LRRTM4: variants seen among roughly 807,000 people sequenced by gnomAD.
LRRTM4 encodes leucine rich repeat transmembrane neuronal 4.
In LRRTM4, 25 loss-of-function variants were observed where a neutral mutation model predicts 47.6. The observed-to-expected ratio is 0.53, with a 90% CI of 0.38 to 0.73. The LOEUF is 0.73. LRRTM4 is among the 30% of genes least tolerant of loss of function. The pLI, the probability that LRRTM4 is intolerant of heterozygous loss-of-function variation, is 0.00. For missense variants in LRRTM4, 638 were observed against 713.4 expected, an observed-to-expected ratio of 0.89 and a Z score of 1.20; for synonymous variants, 311 against 269.5, an observed-to-expected ratio of 1.15 and a Z score of -1.51.
chr2:77,298,390 C>A lies in LRRTM4; in HGVS notation c.1551+219928G>T, dbSNP rs184092653. 2.4e-3 allele frequency among the ~76,000 whole-genome samples: 368 copies of A among 152,284 alleles called. 9 individuals are homozygous for A. Among genetic ancestry groups the A allele is most frequent in the Admixed American group, 0.02 (305 of 15,296 alleles). ...TAGCTGGGACTACAGGCACCCGCCACCACGCCCGGCTAATTTTTTGTATTT... is the reference window on the plus strand; with the variant it reads ...TAGCTGGGACTACAGGCACCCGCCAACACGCCCGGCTAATTTTTTGTATTT... On this transcript the variant is annotated intron_variant, in intron 3 of 3. Coordinates refer to ENST00000409884, the MANE Select transcript of LRRTM4 (RefSeq NM_001134745.3).
intron 3 of LRRTM4, among the ~76,000 whole-genome samples, chr2:77,366,515 TTA>T (rs1350013469): frequency 2.0e-5 from 3 of 151,844 alleles, no homozygotes; most frequent in African/African-American, 7.2e-5. Flanking sequence ...ACTCACAGAT[TTA>T]TGTCTCCAGC....
chr2:76,792,730 A>G lies in LRRTM4; in HGVS notation c.1552-43814T>C, dbSNP rs573881656. Among the ~76,000 whole-genome samples, 63 of 151,918 alleles carry G rather than the reference A, an allele frequency of 4.1e-4. 1 individual carries two copies. The highest frequency in any genetic ancestry group is 1.4e-3 in the African/African-American group (60 of 41,424). ...TGTGCCACTCTCCCTACTTCAGTAC[A>G]TTTTTCCTGTAAATGCCAGGCGCTA... On this transcript the variant is annotated intron_variant, in intron 3 of 3. Transcript: ENST00000409884.
intron 3 of LRRTM4, among the ~76,000 whole-genome samples, chr2:77,032,326 A>T (rs1191366897): frequency 6.6e-6 from 1 of 152,140 alleles, no homozygotes; most frequent in Non-Finnish European, 1.5e-5. Context: ...TCTCAAACAA[A>T]ATAACAACTC....
At chr2:77,499,615 A>C (rs2104071477) in intron 3 of LRRTM4, among the ~76,000 whole-genome samples, 1 of 152,078 alleles carries the variant, frequency 6.6e-6, no homozygotes, top group African/African-American at 2.4e-5. Flanking sequence ...TCAATTATTT[A>C]AAGCCCAGAG....
At chr2:77,324,020 T>C (rs1158923192) in intron 3 of LRRTM4, among the ~76,000 whole-genome samples, 1 of 152,150 alleles carries the variant, frequency 6.6e-6, no homozygotes, top group East Asian at 1.9e-4. Context: ...ATTTATTCAT[T>C]TTCAGATTAG....
rs1402520245 is a variant in LRRTM4 at position 76,916,401 on chromosome 2, A to AG, written c.1552-167486_1552-167485insC. Among the ~76,000 whole-genome samples the AG allele has an allele frequency of 2.0e-4, 29 of 148,136 alleles. No individual in the cohort carries two copies. In the East Asian group the frequency reaches 2.8e-3, roughly 14 times the overall value. ...CTGTGTCTCAAAAAAAAAAAAAAAAAAAAAAAGAAAAGAAAAAAAATATGT... is the reference window on the plus strand; with the variant it reads ...CTGTGTCTCAAAAAAAAAAAAAAAAAGAAAAAAGAAAAGAAAAAAAATATGT... On this transcript the variant is annotated intron_variant, in intron 3 of 3. Coordinates refer to ENST00000409884, the MANE Select transcript of LRRTM4 (RefSeq NM_001134745.3).
At chr2:77,198,065 T>G (rs1403966613) in intron 3 of LRRTM4, among the ~76,000 whole-genome samples, 1 of 152,200 alleles carries the variant, frequency 6.6e-6, no homozygotes, top group Non-Finnish European at 1.5e-5. Context: ...AGTAAAATTC[T>G]CAAAACCTCA....
At chr2:76,973,642 C>A (rs1676297256) in intron 3 of LRRTM4, among the ~76,000 whole-genome samples, 1 of 151,862 alleles carries the variant, frequency 6.6e-6, no homozygotes, top group South Asian at 2.1e-4. Flanking sequence ...TGACGGTATG[C>A]TCATTTTTAT....
At chr2:76,844,933 A>G (rs1671795473) in intron 3 of LRRTM4, among the ~76,000 whole-genome samples, 1 of 152,204 alleles carries the variant, frequency 6.6e-6, no homozygotes, top group African/African-American at 2.4e-5. Flanking sequence ...GTAATGTGAC[A>G]GTCTGAAAAG....
rs1335632920 is a variant in LRRTM4 at position 77,267,287 on chromosome 2, G to A, written c.1551+251031C>T. ...ACTGCTATAGAGGACTACAGACTGG[G>A]TAATTTATAACAATAGAGCTTTCTT... is the stretch of plus-strand genomic sequence containing the variant. On this transcript the variant is annotated intron_variant, in intron 3 of 3. Coordinates refer to ENST00000409884, the MANE Select transcript of LRRTM4 (RefSeq NM_001134745.3). Among the ~76,000 whole-genome samples, 3 of 152,240 alleles carry A rather than the reference G, an allele frequency of 2.0e-5. No homozygotes were observed. In the South Asian group the frequency reaches 6.2e-4, roughly 32 times the overall value.
At chr2:77,071,418 G>A (rs1464515126) in intron 3 of LRRTM4, among the ~76,000 whole-genome samples, 1 of 151,976 alleles carries the variant, frequency 6.6e-6, no homozygotes, top group African/African-American at 2.4e-5. Context: ...AAATTTATGA[G>A]TGATATAAAG....
At chr2:77,279,811 A>G (rs894363677) in intron 3 of LRRTM4, among the ~76,000 whole-genome samples, 3 of 152,044 alleles carry the variant, frequency 2.0e-5, no homozygotes, top group Non-Finnish European at 4.4e-5. Context: ...GGAAATGAAG[A>G]GAGAGGCAGG....
At chr2:77,343,794 T>C (rs1292607409) in intron 3 of LRRTM4, among the ~76,000 whole-genome samples, 1 of 151,816 alleles carries the variant, frequency 6.6e-6, no homozygotes, top group African/African-American at 2.4e-5. Context: ...ATAAGGTAAA[T>C]AGATAAGAGA....
chr2:77,492,886 G>C lies in LRRTM4; in HGVS notation c.1551+25432C>G, dbSNP rs543606418. 1.1e-4 allele frequency among the ~76,000 whole-genome samples: 16 copies of C among 152,126 alleles called. No homozygotes were observed. The South Asian group carries it at 3.1e-3, about 30-fold the overall frequency. On this transcript the variant is annotated intron_variant, in intron 3 of 3. Coordinates refer to ENST00000409884, the MANE Select transcript of LRRTM4 (RefSeq NM_001134745.3). ...ATATATTTTAATGCCCAAATCTCAT[G>C]TTACTAACACTTTATCCACTGGTCA...
Position 77,519,442 on chromosome 2 carries a change from T to C in LRRTM4, c.427A>G (p.Asn143Asp). Residue 143 changes from asparagine to aspartate, a missense_variant, in exon 3 of 4, where the codon AAT becomes GAT. Transcript: ENST00000409884. The surrounding 1 kb of genome is among the most constrained non-coding windows in gnomAD (Gnocchi z 4.6). ...TCAGATTGCAATGTCTGAAGCTTAT[T>C]GTAGGAGAGGTCCAGATTGCGGAGA... is the stretch of plus-strand genomic sequence containing the variant. ...PNLRNLDLSY[N>D]KLQTLQSEQF... 2 of 1,613,440 alleles carry C rather than the reference T, an allele frequency of 1.2e-6. No homozygotes were observed. Among genetic ancestry groups the C allele is most frequent in the Non-Finnish European group, 1.7e-6 (2 of 1,179,632 alleles).
chr2:77,089,952 T>C (rs556846017), intron 3 of LRRTM4, among the ~76,000 whole-genome samples: 4 of 152,144 alleles, frequency 2.6e-5, no homozygotes, highest in Admixed American at 2.6e-4. Flanking sequence ...CAAATCTTCC[T>C]TCTTTCCCTC....
At chr2:77,333,196 T>C (rs531923357) in intron 3 of LRRTM4, among the ~76,000 whole-genome samples, 13 of 152,288 alleles carry the variant, frequency 8.5e-5, no homozygotes, top group African/African-American at 2.2e-4. Context: ...CTTTGGCATG[T>C]CTTAACAGCA....
chr2:77,365,320 G>T (rs1672400736), intron 3 of LRRTM4, among the ~76,000 whole-genome samples: 1 of 151,990 alleles, frequency 6.6e-6, no homozygotes, highest in Non-Finnish European at 1.5e-5. Flanking sequence ...AGAATATAAT[G>T]CTTAACTACA....
chr2:76,911,960 C>T (rs942597732), intron 3 of LRRTM4, among the ~76,000 whole-genome samples: 2 of 142,994 alleles, frequency 1.4e-5, no homozygotes, highest in African/African-American at 2.6e-5. Context: ...GACAGAGTCT[C>T]GCTCTGTCGC....
Sources: gnomAD v4.1 joint callset for allele counts (sites outside exome capture counted in the v4.1 genomes callset) on GRCh38, gnomAD v4.1.1 for gene constraint, Gnocchi (gnomAD v3.1) non-coding constraint, MANE v1.5 for transcripts, NCBI Gene and HGNC (gene_info 2026-07-23, HGNC 2026-07-21) for gene names.